The following SHISA9 variants were observed in gnomAD, a reference collection of about 807,000 sequenced individuals.
SHISA9 encodes the protein shisa family member 9.
In SHISA9, 13 loss-of-function variants were observed where a neutral mutation model predicts 38.0. The ratio of observed to expected loss-of-function variants is 0.34; its 90% CI spans 0.22 to 0.54. The LOEUF is 0.54. Ranked by LOEUF, SHISA9 falls within the 20% of genes least tolerant of loss-of-function variation. The pLI is 0.91. For missense variants in SHISA9, 538 were observed against 575.8 expected, an observed-to-expected ratio of 0.93 and a Z score of 0.67; for synonymous variants, 275 against 242.0, an observed-to-expected ratio of 1.14 and a Z score of -1.27.
chr16:12,953,161 G>C (rs2071781835), intron 2 of SHISA9, among the ~76,000 whole-genome samples: 1 of 148,112 alleles, frequency 6.8e-6, no homozygotes, highest in African/African-American at 2.5e-5. Context: ...GCCCTTGAGA[G>C]GAACCTTAAA....
the SHISA9 span, among the ~76,000 whole-genome samples, chr16:13,301,845 G>A: frequency 1.3e-5 from 2 of 152,194 alleles, no homozygotes; most frequent in Non-Finnish European, 2.9e-5. Context: ...TATTCTCTTT[G>A]AACGTCACTT....
the SHISA9 span, among the ~76,000 whole-genome samples, chr16:13,512,995 C>T: frequency 3.3e-5 from 5 of 152,200 alleles, no homozygotes; most frequent in East Asian, 7.7e-4. Flanking sequence ...CAACGGAAGC[C>T]AAAATTGACA....
At chr16:13,021,512 C>T (rs1257267631) in intron 2 of SHISA9, among the ~76,000 whole-genome samples, 3 of 152,174 alleles carry the variant, frequency 2.0e-5, no homozygotes, top group Admixed American at 6.5e-5. Flanking sequence ...TTAGTTATCA[C>T]ACCCACTAGT....
intron 2 of SHISA9, among the ~76,000 whole-genome samples, chr16:13,196,607 A>G (rs2050945991): frequency 6.6e-6 from 1 of 152,184 alleles, no homozygotes; most frequent in African/African-American, 2.4e-5. Context: ...AAAACTAAGG[A>G]AACTCAAATA....
rs546224479 is a variant in SHISA9 at position 13,147,128 on chromosome 16, T to C, written c.692-56266T>C. On this transcript the variant is annotated intron_variant, in intron 2 of 4. Coordinates refer to ENST00000558583, the MANE Select transcript of SHISA9 (RefSeq NM_001145204.3). ...CAGCAAGATGCATATTGTTTTTGGC[T>C]GAGATAGCATTGCCTTTGAGGAACA... 2.8e-4 allele frequency among the ~76,000 whole-genome samples: 42 copies of C among 152,306 alleles called. No individual in the cohort carries two copies. In the South Asian group the frequency reaches 8.7e-3, roughly 32 times the overall value.
chr16:13,046,394 GAA>G (rs2073188911), intron 2 of SHISA9, among the ~76,000 whole-genome samples: 4 of 152,328 alleles, frequency 2.6e-5, no homozygotes, highest in African/African-American at 9.6e-5. Context: ...TGGGGAGTGT[GAA>G]ACACAAAGGC....
the SHISA9 span, among the ~76,000 whole-genome samples, chr16:13,469,411 AAG>A: frequency 4.9e-4 from 62 of 127,348 alleles, no homozygotes; most frequent in African/African-American, 1.8e-3. Context: ...GAAAGAAAGA[AAG>A]AAAGAAAGAA....
At chr16:13,296,306 T>A in the SHISA9 span, among the ~76,000 whole-genome samples, 1 of 152,018 alleles carries the variant, frequency 6.6e-6, no homozygotes, top group African/African-American at 2.4e-5. Flanking sequence ...AAATAAGTGG[T>A]TACATCCTCA....
chr16:13,360,784 T>C, the SHISA9 span, among the ~76,000 whole-genome samples: 1 of 152,126 alleles, frequency 6.6e-6, no homozygotes, highest in Non-Finnish European at 1.5e-5. Flanking sequence ...CTGCAACCAG[T>C]GGGTGATGGG....
At chr16:13,041,482 T>A (rs577126848) in intron 2 of SHISA9, among the ~76,000 whole-genome samples, 36 of 152,368 alleles carry the variant, frequency 2.4e-4, no homozygotes, top group Admixed American at 2.1e-3. Flanking sequence ...TGGAGCCACG[T>A]ATCCCCTGAT....
intron 2 of SHISA9, among the ~76,000 whole-genome samples, chr16:13,200,409 AACACACACACAC>A (rs148088145): frequency 1.5e-5 from 2 of 136,524 alleles, no homozygotes; most frequent in East Asian, 2.1e-4. Flanking sequence ...TATATCATGA[AACACACACACAC>A]ACACACACAC....
At chr16:13,519,235 C>G in the SHISA9 span, among the ~76,000 whole-genome samples, 12 of 151,998 alleles carry the variant, frequency 7.9e-5, no homozygotes, top group African/African-American at 2.9e-4. Flanking sequence ...AGAAAATAAT[C>G]AAAGATTTCT....
chr16:13,539,106 G>C, the SHISA9 span, among the ~76,000 whole-genome samples: 2 of 151,592 alleles, frequency 1.3e-5, no homozygotes, highest in South Asian at 4.2e-4. Context: ...ATCTAGTGAG[G>C]ATAAGGTCCA....
chr16:13,505,275 C>T, the SHISA9 span, among the ~76,000 whole-genome samples: 1 of 152,196 alleles, frequency 6.6e-6, no homozygotes, highest in African/African-American at 2.4e-5. Context: ...CCAAGCAGTG[C>T]AAAGAAGCTT....
the SHISA9 span, among the ~76,000 whole-genome samples, chr16:13,560,683 A>G: frequency 3.3e-5 from 5 of 151,660 alleles, no homozygotes; most frequent in Non-Finnish European, 7.4e-5. Context: ...AATAGCTCAC[A>G]GGTAATTCAT....
intron 2 of SHISA9, among the ~76,000 whole-genome samples, chr16:13,113,507 T>C (rs2074000499): frequency 6.6e-6 from 1 of 152,196 alleles, no homozygotes; most frequent in Non-Finnish European, 1.5e-5. Flanking sequence ...GTATAGCATC[T>C]CTGAATTAAT....
At chr16:13,137,747 C>T (rs2050362801) in intron 2 of SHISA9, among the ~76,000 whole-genome samples, 1 of 152,160 alleles carries the variant, frequency 6.6e-6, no homozygotes, top group Admixed American at 6.6e-5. Context: ...AGCCACCGCA[C>T]CTGGCTGGAG....
intron 2 of SHISA9, among the ~76,000 whole-genome samples, chr16:12,974,177 T>G (rs2141815358): frequency 6.6e-6 from 1 of 152,266 alleles, no homozygotes; most frequent in Middle Eastern, 3.4e-3. Context: ...GCGTCCGTCC[T>G]TGTATTCACT....
chr16:13,298,003 G>A, the SHISA9 span, among the ~76,000 whole-genome samples: 1 of 152,126 alleles, frequency 6.6e-6, no homozygotes, highest in African/African-American at 2.4e-5. Context: ...TGATCCACCC[G>A]CCTCGGCCTC....
Sources: gnomAD v4.1 joint callset for allele counts (sites outside exome capture counted in the v4.1 genomes callset) on GRCh38, gnomAD v4.1.1 for gene constraint, MANE v1.5 for transcripts, NCBI Gene and HGNC (gene_info 2026-07-23, HGNC 2026-07-21) for gene names.